The following AKAP8L variants were observed in gnomAD, a reference collection of about 807,000 sequenced individuals.
The protein encoded by AKAP8L is A-kinase anchor protein 8-like.
AKAP8L carries 34 observed loss-of-function variants against 77.5 expected under a neutral mutation model. The ratio of observed to expected loss-of-function variants is 0.44; its 90% CI spans 0.33 to 0.58. The LOEUF (loss-of-function observed/expected upper bound fraction) is 0.58. AKAP8L is among the 20% of genes least tolerant of loss of function. AKAP8L has a pLI of 0.02. For synonymous variants in AKAP8L, 342 were observed against 340.7 expected (o/e 1.00, Z -0.04); for missense variants, 806 against 887.6 (o/e 0.91, Z 1.17).
chr19:15,390,805 TAAAGACA>T (rs966238625), intron 12 of AKAP8L, among the ~76,000 whole-genome samples: 6 of 152,046 alleles, frequency 3.9e-5, no homozygotes, highest in African/African-American at 1.4e-4. Context: ...ACAACACAAT[TAAAGACA>T]AAAGCCACAT....
rs772944596 is a variant in AKAP8L at position 15,401,586 on chromosome 19, G to A, written c.380C>T (p.Ser127Phe). 20 of 1,601,018 alleles carry A rather than the reference G, an allele frequency of 1.2e-5. No homozygotes were observed. The highest frequency in any genetic ancestry group is 1.6e-5 in the Non-Finnish European group (19 of 1,174,950). The change falls in exon 5 of 14, where the codon TCC (serine) becomes TTC (phenylalanine). Residue 127 changes from serine to phenylalanine, a missense_variant. By Grantham distance (155) the Ser-to-Phe change is radical. Around this residue, in one of 2 missense-constraint regions of AKAP8L, gnomAD observed 580 missense variants for 694.1 expected, o/e 0.84. Transcript: ENST00000397410. This position sits in a 1 kb window ranked among gnomAD's most constrained non-coding sequence, Gnocchi z 6.2. ...SGGERYDSYESCDSRAVLSER... is the reference protein window; with the variant it reads ...SGGERYDSYEFCDSRAVLSER... ...ACTCAGGACGGCCCTCGAGTCGCAG[G>A]ACTCATAAGAGTCATACCTGCAGAG... is the stretch of plus-strand genomic sequence containing the variant.
In AKAP8L at chr19:15,380,151, C is replaced by A; in HGVS notation, c.1912G>T (p.Asp638Tyr). Residue 638 changes from aspartate to tyrosine, a missense_variant, in exon 14 of 14, where the codon GAC becomes TAC. Around this residue, in one of 2 missense-constraint regions of AKAP8L, gnomAD observed 226 missense variants for 193.5 expected, o/e 1.17. Coordinates refer to ENST00000397410, the MANE Select transcript of AKAP8L (RefSeq NM_014371.4). ...GGGGCGCCCCCGCCGCCCTCCTCGT[C>A]GTCCTCCACGTCGAGGCCCGGGATG... is the stretch of plus-strand genomic sequence containing the variant. ...RGIPGLDVEDDEEGGGGAP is the reference protein window; with the variant it reads ...RGIPGLDVEDYEEGGGGAP 1 of 1,502,264 alleles carries A rather than the reference C, an allele frequency of 6.7e-7. No homozygotes were observed. The highest frequency in any genetic ancestry group is 2.1e-5 in the Admixed American group (1 of 46,818). 93.1% of individuals were successfully genotyped at this position (1,502,264 alleles called of 1,614,324 possible).
chr19:15,393,698 A>C (rs551336402), intron 12 of AKAP8L, among the ~76,000 whole-genome samples: 2 of 152,060 alleles, frequency 1.3e-5, no homozygotes, highest in Non-Finnish European at 2.9e-5. Context: ...AGACAGGGGG[A>C]TCACCTGAGG....
rs1050858618 is a variant in AKAP8L at position 15,380,066 on chromosome 19, T to C, written c.*56A>G. On this transcript the variant is annotated 3_prime_UTR_variant, in exon 14 of 14. Coordinates refer to ENST00000397410, the MANE Select transcript of AKAP8L (RefSeq NM_014371.4). ...ACCCGGAGGTGGGATGGGAAAACTT[T>C]ATTAGGTTTGGTTTCCAGCTTCGGC... 4 of 1,430,004 alleles carry C rather than the reference T, an allele frequency of 2.8e-6. No individual in the cohort carries two copies. In the African/African-American group the frequency reaches 4.5e-5, roughly 16 times the overall value. The allele number at this position is 1,430,004 out of a possible 1,614,324, so 88.6% of individuals were successfully genotyped here. A position where few individuals can be genotyped will look rare whatever the true frequency, so the allele number is the denominator to read the frequency against.
At chr19:15,402,568 T>C (rs904658725) in intron 4 of AKAP8L, among the ~76,000 whole-genome samples, 7 of 152,224 alleles carry the variant, frequency 4.6e-5, no homozygotes, top group South Asian at 2.1e-4. Context: ...GCTGCAGCTG[T>C]TGGGCCAGGA....
intron 1 of AKAP8L, among the ~76,000 whole-genome samples, chr19:15,418,484 G>A (rs1416646975): frequency 6.6e-6 from 1 of 152,164 alleles, no homozygotes; most frequent in African/African-American, 2.4e-5. Flanking sequence ...GAGCTGCGGC[G>A]TTTTTGCAGA....
chr19:15,400,476 A>G, intron 7 of AKAP8L, 118 bp from the exon 8 acceptor site: 2 of 1,062,168 alleles, frequency 1.9e-6, no homozygotes, highest in East Asian at 4.9e-5. Context: ...TAGACAGAGC[A>G]GGGCTATCCT....
chr19:15,390,751 A>G (rs1391600864), intron 12 of AKAP8L, among the ~76,000 whole-genome samples: 2 of 152,232 alleles, frequency 1.3e-5, no homozygotes. Context: ...TCCCAGGGAC[A>G]CAAGGGTGTT....
At chr19:15,417,913 A>G (rs1968237262) in intron 1 of AKAP8L, among the ~76,000 whole-genome samples, 1 of 152,174 alleles carries the variant, frequency 6.6e-6, no homozygotes, top group South Asian at 2.1e-4. Context: ...CAGTCGCCCA[A>G]GCATATTGCG....
chr19:15,399,670 G>A lies in AKAP8L; in HGVS notation c.1049-260C>T, dbSNP rs565214597. ...CCATGCTCTCTGTGCAGTGGGCCAG[G>A]AGGAGGCTGGAAAGCAAAGAGGGGG... is the stretch of plus-strand genomic sequence containing the variant. On this transcript the variant is annotated intron_variant, in intron 8 of 13. Coordinates refer to ENST00000397410, the MANE Select transcript of AKAP8L (RefSeq NM_014371.4). This position sits in a 1 kb window ranked among gnomAD's most constrained non-coding sequence, Gnocchi z 6.1. 3.9e-6 allele frequency: 2 copies of A among 508,924 alleles called. No individual in the cohort carries two copies. Among genetic ancestry groups the A allele is most frequent in the Middle Eastern group, 5.5e-4 (1 of 1,826 alleles). 31.5% of individuals were successfully genotyped at this position (508,924 alleles called of 1,614,324 possible).
chr19:15,396,052 C>A (rs10411669), intron 12 of AKAP8L, among the ~76,000 whole-genome samples: 115,282 of 147,638 alleles, frequency 0.78, 45,228 homozygotes, highest in East Asian at 0.99. Context: ...CCAAAGCCAA[C>A]TGACATTTTC....
intron 12 of AKAP8L, chr19:15,381,953 A>G (rs911735069): frequency 6.6e-6 from 1 of 152,218 alleles, no homozygotes; most frequent in Non-Finnish European, 1.5e-5. Context: ...ACTGCAGAAC[A>G]TTTGCAAGTC....
At chr19:15,400,007 C>T (rs964756807) in intron 8 of AKAP8L, 7 of 528,606 alleles carry the variant, frequency 1.3e-5, no homozygotes, top group Non-Finnish European at 2.0e-5. Flanking sequence ...GGGCAGGGGG[C>T]GTGCCTGGGG....
intron 2 of AKAP8L, among the ~76,000 whole-genome samples, chr19:15,405,213 A>T (rs10414131): frequency 0.78 from 119,270 of 152,178 alleles, 46,948 homozygotes; most frequent in East Asian, 0.99. Context: ...TCTAAGAGGC[A>T]AGAGAGGCTG....
chr19:15,398,778 C>T lies in AKAP8L; in HGVS notation c.1157+524G>A, dbSNP rs1599605028. 1 of 996,000 alleles carries T rather than the reference C, an allele frequency of 1.0e-6. No individual in the cohort carries two copies. The highest frequency in any genetic ancestry group is 1.1e-4 in the East Asian group (1 of 9,144). 61.7% of individuals were successfully genotyped at this position (996,000 alleles called of 1,614,324 possible). On this transcript the variant is annotated intron_variant, in intron 9 of 13. Transcript: ENST00000397410. This position sits in a 1 kb window ranked among gnomAD's most constrained non-coding sequence, Gnocchi z 9.2. The stretch of plus-strand genomic sequence containing the variant: ...CCAGTGCGGGAGCCCTGAGGGCAGA[C>T]AGACCCGACCAAGGGGCGTGAAGGG...
intron 12 of AKAP8L, chr19:15,383,794 C>T (rs1332552546): frequency 6.6e-6 from 1 of 152,148 alleles, no homozygotes; most frequent in Non-Finnish European, 1.5e-5. Context: ...TTCAGTCCTA[C>T]TCCCCGACTG....
At chr19:15,414,157 C>T (rs1968158953) in intron 1 of AKAP8L, among the ~76,000 whole-genome samples, 1 of 151,226 alleles carries the variant, frequency 6.6e-6, no homozygotes, top group Non-Finnish European at 1.5e-5. Flanking sequence ...CTCCACTTCC[C>T]AGGCTCAAGC....
In AKAP8L at chr19:15,403,831, T is replaced by C; in HGVS notation, c.122-116A>G. ...CTTCTGTCACAGAGAGAGAAGACCC[T>C]AGCCACTGAAGCTAGATGGGCCCTG... is the stretch of plus-strand genomic sequence containing the variant. On this transcript the variant is annotated intron_variant, in intron 3 of 13. Transcript: ENST00000397410. This position sits in a 1 kb window ranked among gnomAD's most constrained non-coding sequence, Gnocchi z 4.3. The C allele has an allele frequency of 2.7e-6, 3 of 1,097,834 alleles. No homozygotes were observed. Among genetic ancestry groups the C allele is most frequent in the Non-Finnish European group, 4.0e-6 (3 of 746,392 alleles). The allele number at this position is 1,097,834 out of a possible 1,614,324, so 68.0% of individuals were successfully genotyped here.
At position 15,399,230 on chromosome 19, in the gene AKAP8L, G is replaced by A; in HGVS notation, c.1157+72C>T. The A allele has an allele frequency of 7.2e-7, 1 of 1,397,830 alleles. No homozygotes were observed. Among genetic ancestry groups the A allele is most frequent in the East Asian group, 2.3e-5 (1 of 43,704 alleles). The allele number at this position is 1,397,830 out of a possible 1,614,324, so 86.6% of individuals were successfully genotyped here. A position where few individuals can be genotyped will look rare whatever the true frequency, so the allele number is the denominator to read the frequency against. Reference sequence around the variant, plus strand: ...GGCCAGAGGGCGGCGAGCTGGCAGAGCTATGGCCCTGCTCTCCTGGCGGCA... The same window carrying A: ...GGCCAGAGGGCGGCGAGCTGGCAGAACTATGGCCCTGCTCTCCTGGCGGCA... On this transcript the variant is annotated intron_variant, in intron 9 of 13. Transcript: ENST00000397410. This position sits in a 1 kb window ranked among gnomAD's most constrained non-coding sequence, Gnocchi z 6.1.
Sources: gnomAD v4.1 joint callset for allele counts (sites outside exome capture counted in the v4.1 genomes callset) on GRCh38, gnomAD v4.1.1 for gene constraint, gnomAD v4.1.1 regional missense constraint, Gnocchi (gnomAD v3.1) non-coding constraint, MANE v1.5 for transcripts, NCBI Gene and HGNC (gene_info 2026-07-23, HGNC 2026-07-21) for gene names.